MFSD1: variants seen among roughly 807,000 people sequenced by gnomAD.
The protein encoded by MFSD1 is major facilitator superfamily domain containing 1.
A neutral mutation model predicts 67.1 loss-of-function variants in MFSD1; 59 were observed. The ratio of observed to expected loss-of-function variants is 0.88; its 90% confidence interval spans 0.71 to 1.09. MFSD1 has a LOEUF of 1.09. Among genes scored for constraint, MFSD1 ranks in the 50% least tolerant of loss-of-function variants. MFSD1 has a pLI of 0.00. For synonymous variants in MFSD1, 213 were observed against 200.3 expected, an observed-to-expected ratio of 1.06 and a Z score of -0.54; for missense variants, 552 against 566.1, an observed-to-expected ratio of 0.97 and a Z score of 0.25.
chr3:158,813,769 T>A (rs2108216392), intron 6 of MFSD1, among the ~76,000 whole-genome samples, 196 bp from the exon 7 acceptor site: 1 of 152,124 alleles, frequency 6.6e-6, no homozygotes, highest in South Asian at 2.1e-4. Context: ...ATTGGCTTTT[T>A]TTTTTTTTTT....
At chr3:158,815,081 T>G (rs1281121838) in intron 7 of MFSD1, among the ~76,000 whole-genome samples, 1 of 152,092 alleles carries the variant, frequency 6.6e-6, no homozygotes, top group Non-Finnish European at 1.5e-5. Context: ...AAACTCTGTC[T>G]CAAAACAAAC....
In MFSD1 at chr3:158,806,425, C is replaced by T. The variant is rs541548539; in HGVS notation, c.330-615C>T. Among the ~76,000 whole-genome samples the T allele has an allele frequency of 1.6e-4, 25 of 152,222 alleles. 1 individual carries two copies. The South Asian group carries it at 5.0e-3, about 30-fold the overall frequency. On this transcript the variant is annotated intron_variant, in intron 3 of 15. Coordinates refer to ENST00000415822, the MANE Select transcript of MFSD1 (RefSeq NM_022736.4). ...TCAGTAGAACATGGCATGGTCATTT[C>T]ACAAGGATCTTGAGAGAGATTTAAG...
Position 158,829,242 on chromosome 3 carries a change from A to G in MFSD1, c.*260A>G. 2 of 308,568 alleles carry G rather than the reference A, an allele frequency of 6.5e-6. No individual in the cohort carries two copies. The highest frequency in any genetic ancestry group is 5.9e-6 in the Non-Finnish European group (1 of 170,182). The allele number at this position is 308,568 out of a possible 1,614,324, so 19.1% of individuals were successfully genotyped here. ...GTTAGAAAATTGCTGTGGAACATCCAGGTGAACTTCAGGAAAGACAGTGAA... is the reference window on the plus strand; with the variant it reads ...GTTAGAAAATTGCTGTGGAACATCCGGGTGAACTTCAGGAAAGACAGTGAA... On this transcript the variant is annotated 3_prime_UTR_variant, in exon 16 of 16. Coordinates refer to ENST00000415822, the MANE Select transcript of MFSD1 (RefSeq NM_022736.4).
chr3:158,825,736 C>G (rs1730933509), intron 13 of MFSD1, among the ~76,000 whole-genome samples: 1 of 152,142 alleles, frequency 6.6e-6, no homozygotes, highest in Non-Finnish European at 1.5e-5. Context: ...GAAAGAGGGG[C>G]AGGGCTGGGC....
In MFSD1 at chr3:158,819,685, T is replaced by G; in HGVS notation, c.689T>G (p.Leu230Trp). The change falls in exon 8 of 16, where the codon TTG (leucine) becomes TGG (tryptophan). Residue 230 changes from leucine (L) to tryptophan (W), a missense_variant. By Grantham distance (61) the Leu-to-Trp change is moderately conservative. Transcript: ENST00000415822. The part of the protein sequence containing the change: ...ITCILSLICA[L>W]ALAYLDQRAE... ...TGTATTCTTTCACTAATCTGTGCCTTGGCTCTTGCCTACTTGGATCAGAGA... is the reference window on the plus strand; with the variant it reads ...TGTATTCTTTCACTAATCTGTGCCTGGGCTCTTGCCTACTTGGATCAGAGA... 1 of 1,608,386 alleles carries G rather than the reference T, an allele frequency of 6.2e-7. No individual in the cohort carries two copies. Among genetic ancestry groups the G allele is most frequent in the Non-Finnish European group, 8.5e-7 (1 of 1,175,972 alleles).
In MFSD1 at chr3:158,824,407, C is replaced by T. The variant is rs562212577; in HGVS notation, c.1288+171C>T. 50 of 596,108 alleles carry T rather than the reference C, an allele frequency of 8.4e-5. No individual in the cohort carries two copies. The African/African-American group carries it at 9.0e-4, about 11-fold the overall frequency. 36.9% of individuals were successfully genotyped at this position (596,108 alleles called of 1,614,324 possible). On this transcript the variant is annotated intron_variant, in intron 13 of 15. Coordinates refer to ENST00000415822, the MANE Select transcript of MFSD1 (RefSeq NM_022736.4). ...TTCACAGGCATTTTTTAGGAGATTC[C>T]TATCCTTAAAGGCAGTGATTGAGTT...
chr3:158,813,105 C>CT (rs140028803), intron 6 of MFSD1, among the ~76,000 whole-genome samples: 252 of 139,124 alleles, frequency 1.8e-3, no homozygotes, highest in Admixed American at 4.1e-3. Flanking sequence ...AGATATTTTA[C>CT]TTTTTTTTTT....
intron 1 of MFSD1, among the ~76,000 whole-genome samples, chr3:158,802,924 A>G (rs1272363397): frequency 6.6e-6 from 1 of 152,128 alleles, no homozygotes; most frequent in Non-Finnish European, 1.5e-5. Context: ...GCTTTTAAAA[A>G]ACGTGAATGA....
intron 13 of MFSD1, among the ~76,000 whole-genome samples, chr3:158,825,473 A>C (rs1730918884): frequency 6.6e-6 from 1 of 152,236 alleles, no homozygotes; most frequent in Non-Finnish European, 1.5e-5. Context: ...TTTTAAAGTA[A>C]ATTAAACAGT....
chr3:158,802,133 C>T lies in MFSD1; in HGVS notation c.-20C>T, dbSNP rs766753142. ...TTTGGAGTTGTCACCACTTTCCCCT[C>T]TCCGTCTCCTGCGGGCGCAATGGAG... On this transcript the variant is annotated 5_prime_UTR_variant, in exon 1 of 16. Coordinates refer to ENST00000415822, the MANE Select transcript of MFSD1 (RefSeq NM_022736.4). 9 of 1,611,244 alleles carry T rather than the reference C, an allele frequency of 5.6e-6. No individual in the cohort carries two copies. The highest frequency in any genetic ancestry group is 1.3e-5 in the African/African-American group (1 of 74,888).
At position 158,814,026 on chromosome 3, in the gene MFSD1, G is replaced by A; in HGVS notation, c.611G>A (p.Gly204Asp). 1 of 1,613,748 alleles carries A rather than the reference G, an allele frequency of 6.2e-7. No individual in the cohort carries two copies. Among genetic ancestry groups the A allele is most frequent in the Non-Finnish European group, 8.5e-7 (1 of 1,179,878 alleles). The change falls in exon 7 of 16, where the codon GGT (glycine) becomes GAT (aspartate). Residue 204 changes from glycine (G) to aspartate (D), a missense_variant. Transcript: ENST00000415822. Reference sequence around the variant, plus strand: ...TATTCTAAGATTGAAGCTTTGTTAGGTTCTGCTGGTCACACAACCCTCGGG... The same window carrying A: ...TATTCTAAGATTGAAGCTTTGTTAGATTCTGCTGGTCACACAACCCTCGGG... ...WLYSKIEALL[G>D]SAGHTTLGIT...
chr3:158,802,808 C>G (rs1422276118), intron 1 of MFSD1, among the ~76,000 whole-genome samples: 1 of 152,158 alleles, frequency 6.6e-6, no homozygotes, highest in Non-Finnish European at 1.5e-5. Context: ...TCAAGCAATC[C>G]TCCCGCCTCA....
At chr3:158,811,240 C>A (rs1156982177) in intron 6 of MFSD1, among the ~76,000 whole-genome samples, 1 of 152,174 alleles carries the variant, frequency 6.6e-6, no homozygotes, top group Non-Finnish European at 1.5e-5. Context: ...GCGCTGTAAC[C>A]TAGCTCTTGA....
rs1306561692 is a variant in MFSD1 at position 158,802,727 on chromosome 3, G to A, written c.163+412G>A. 2.4e-5 allele frequency: 9 copies of A among 369,282 alleles called. No individual in the cohort carries two copies. In the East Asian group the frequency reaches 6.5e-4, roughly 27 times the overall value. The allele number at this position is 369,282 out of a possible 1,614,324, so 22.9% of individuals were successfully genotyped here. ...TTTGTTTGGTTTTAGGTGAGACAGG[G>A]GCTTGCTCTGTCACCCAGCCCGGAG... is the stretch of plus-strand genomic sequence containing the variant. On this transcript the variant is annotated intron_variant, in intron 1 of 15. Coordinates refer to ENST00000415822, the MANE Select transcript of MFSD1 (RefSeq NM_022736.4).
At chr3:158,810,506 C>A (rs759834565) in intron 6 of MFSD1, among the ~76,000 whole-genome samples, 7 of 152,034 alleles carry the variant, frequency 4.6e-5, no homozygotes, top group South Asian at 2.1e-4. Context: ...TATTTTTATA[C>A]ATGTAAGTTC....
chr3:158,808,423 C>A (rs1729833008), intron 5 of MFSD1, among the ~76,000 whole-genome samples: 1 of 152,024 alleles, frequency 6.6e-6, no homozygotes, highest in Non-Finnish European at 1.5e-5. Flanking sequence ...AATTAAAACC[C>A]AGGAAGTAGG....
At chr3:158,821,917 G>T in intron 10 of MFSD1, 67 bp from the exon 11 acceptor site, 1 of 1,519,152 alleles carries the variant, frequency 6.6e-7, no homozygotes, top group South Asian at 1.2e-5. Context: ...ATATTTTCAA[G>T]ACTTTCTTGA....
chr3:158,807,374 GA>G lies in MFSD1; in HGVS notation c.373-21del, dbSNP rs1272454249. The G allele has an allele frequency of 3.1e-6, 5 of 1,590,242 alleles. No individual in the cohort carries two copies. The Admixed American group carries it at 8.5e-5, about 27-fold the overall frequency. On this transcript the variant is annotated intron_variant, in intron 4 of 15. Coordinates refer to ENST00000415822, the MANE Select transcript of MFSD1 (RefSeq NM_022736.4). Reference sequence around the variant, plus strand: ...TTTGAATTTACTTTTTCATTAATTTGACATGAACTTCTACATTATAGGTTGT... The same window carrying G: ...TTTGAATTTACTTTTTCATTAATTTGCATGAACTTCTACATTATAGGTTGT...
At chr3:158,816,793 T>G (rs568673169) in intron 7 of MFSD1, among the ~76,000 whole-genome samples, 37 of 150,276 alleles carry the variant, frequency 2.5e-4, no homozygotes, top group Admixed American at 1.4e-3. Context: ...GGTCTAACGT[T>G]TAAGTCTTTA....
Sources: allele counts gnomAD v4.1 joint callset (sites outside exome capture counted in the v4.1 genomes callset), GRCh38; gene constraint gnomAD v4.1.1; transcripts MANE v1.5; gene names NCBI Gene and HGNC (gene_info 2026-07-23, HGNC 2026-07-21).